The following NUP98 variants were observed in gnomAD, a reference collection of about 807,000 sequenced individuals.
The protein encoded by NUP98 is nucleoporin 98 and 96 precursor.
NUP98 carries 26 observed loss-of-function variants against 191.9 expected under a neutral mutation model. The ratio of observed to expected loss-of-function variants is 0.14; its 90% CI spans 0.10 to 0.19. NUP98 has a LOEUF of 0.19. Ranked by LOEUF, NUP98 falls within the 10% of genes least tolerant of loss-of-function variation. NUP98 has a pLI of 1.00. For missense variants in NUP98, 1,941 were observed against 2,178.8 expected (o/e 0.89, Z 2.17); for synonymous variants, 808 against 778.4 (o/e 1.04, Z -0.63).
chr11:3,694,801 C>T (rs1044831882), intron 26 of NUP98, among the ~76,000 whole-genome samples: 4 of 151,220 alleles, frequency 2.6e-5, no homozygotes, highest in Non-Finnish European at 4.4e-5. Context: ...GTAATCTCAA[C>T]ACTTTGGGAG....
chr11:3,688,698 G>A (rs2078205952), intron 28 of NUP98, among the ~76,000 whole-genome samples: 1 of 150,436 alleles, frequency 6.6e-6, no homozygotes, highest in Non-Finnish European at 1.5e-5. Context: ...AGGAGGCTGA[G>A]GCAGGAGAAT....
At chr11:3,678,136 T>TAAAAAA (rs76077592) in intron 31 of NUP98, among the ~76,000 whole-genome samples, 18 of 103,406 alleles carry the variant, frequency 1.7e-4, no homozygotes, top group African/African-American at 6.0e-4. Flanking sequence ...AAACTCTGCC[T>TAAAAAA]AAAAAAAAAA....
intron 20 of NUP98, among the ~76,000 whole-genome samples, chr11:3,707,738 C>A (rs868188996): frequency 8.0e-4 from 39 of 48,552 alleles, no homozygotes; most frequent in South Asian, 2.6e-3. Context: ...GACTCTGTCT[C>A]AAAAAAAAAA....
chr11:3,686,626 A>C lies in NUP98; in HGVS notation c.4455-432T>G, dbSNP rs569835130. On this transcript the variant is annotated intron_variant, in intron 28 of 32. Transcript: ENST00000324932. ...GACATATTTAAAACTGCACGTATCT[A>C]GAGTACACAATTTTAATGAGCTTTA... 2.0e-5 allele frequency among the ~76,000 whole-genome samples: 3 copies of C among 152,274 alleles called. No homozygotes were observed. In the South Asian group the frequency reaches 6.2e-4, roughly 32 times the overall value.
chr11:3,676,431 A>G (rs1368610507), intron 32 of NUP98, 55 bp from the exon 33 acceptor site: 1 of 1,604,130 alleles, frequency 6.2e-7, no homozygotes, highest in South Asian at 1.1e-5. Flanking sequence ...GAAGGGTGGT[A>G]GGCACTGAGG....
At chr11:3,721,000 G>C in intron 16 of NUP98, 175 bp from the exon 17 acceptor site, 1 of 478,506 alleles carries the variant, frequency 2.1e-6, no homozygotes, top group East Asian at 3.5e-5. Context: ...GTGTGTGTGT[G>C]TGTGTGTGAA....
chr11:3,729,696 T>C (rs113383962), intron 14 of NUP98, among the ~76,000 whole-genome samples: 908 of 81,760 alleles, frequency 0.011, 5 homozygotes, highest in Admixed American at 0.02. Context: ...GCCTGGGCAA[T>C]GGCATAAGAC....
At chr11:3,796,138 C>CTGCTCTCTTTT (rs1252765564) in intron 1 of NUP98, among the ~76,000 whole-genome samples, 1 of 152,196 alleles carries the variant, frequency 6.6e-6, no homozygotes, top group Non-Finnish European at 1.5e-5. Context: ...GGAATGATCA[C>CTGCTCTCTTTT]TGCTCTCTTT....
At chr11:3,731,790 T>C (rs2079863393) in intron 13 of NUP98, among the ~76,000 whole-genome samples, 1 of 152,162 alleles carries the variant, frequency 6.6e-6, no homozygotes, top group Non-Finnish European at 1.5e-5. Context: ...CCAGAAGTAT[T>C]TTGGATTTTT....
At chr11:3,698,301 T>G (rs895423877) in intron 25 of NUP98, among the ~76,000 whole-genome samples, 1 of 152,258 alleles carries the variant, frequency 6.6e-6, no homozygotes, top group Non-Finnish European at 1.5e-5. Flanking sequence ...ATGTTTGCAG[T>G]GAGTAGTAGT....
In NUP98 at chr11:3,735,748, A is replaced by AGTGTGTGT. The variant is rs71041385; in HGVS notation, c.1409-432_1409-425dup. 2.2e-3 allele frequency among the ~76,000 whole-genome samples: 316 copies of AGTGTGTGT among 140,950 alleles called. 2 individuals are homozygous for AGTGTGTGT. The highest frequency in any genetic ancestry group is 5.6e-3 in the East Asian group (26 of 4,642). 92.5% of individuals were successfully genotyped at this position (140,950 alleles called of 152,430 possible). On this transcript the variant is annotated intron_variant, in intron 12 of 32. Transcript: ENST00000324932. ...TAATACGACAGTATACAGGGCAAGT[A>AGTGTGTGT]GTGTGTGTGTGTGTGTGTGTGTGTG...
intron 11 of NUP98, among the ~76,000 whole-genome samples, chr11:3,746,294 A>AAAAAACAG (rs144936005): frequency 1.1e-5 from 1 of 93,086 alleles, no homozygotes; most frequent in Non-Finnish European, 2.0e-5. Flanking sequence ...AAAAAAAAAA[A>AAAAAACAG]GACAGCTTTG....
chr11:3,722,206 G>A (rs887839769), intron 16 of NUP98, among the ~76,000 whole-genome samples: 2 of 149,560 alleles, frequency 1.3e-5, no homozygotes, highest in African/African-American at 4.9e-5. Flanking sequence ...CTTGAATCCT[G>A]GGTTCAAGTG....
chr11:3,785,800 C>A (rs2082123167), intron 1 of NUP98, among the ~76,000 whole-genome samples: 1 of 151,986 alleles, frequency 6.6e-6, no homozygotes, highest in Non-Finnish European at 1.5e-5. Flanking sequence ...CAGATATTTG[C>A]ATTAACTATT....
chr11:3,724,458 A>T (rs2079535323), intron 15 of NUP98, among the ~76,000 whole-genome samples: 2 of 151,018 alleles, frequency 1.3e-5, no homozygotes, highest in African/African-American at 4.9e-5. Flanking sequence ...ATAAATAAAT[A>T]AATTTCTGAT....
chr11:3,772,452 A>G (rs185240996), intron 6 of NUP98, among the ~76,000 whole-genome samples: 80 of 152,288 alleles, frequency 5.3e-4, no homozygotes, highest in African/African-American at 1.8e-3. Flanking sequence ...TACATAAGCA[A>G]TAAGAATGAA....
At chr11:3,770,554 T>C (rs2081495054) in intron 7 of NUP98, among the ~76,000 whole-genome samples, 1 of 151,272 alleles carries the variant, frequency 6.6e-6, no homozygotes, top group Non-Finnish European at 1.5e-5. Context: ...TATTTGTGTG[T>C]GTGTGTGTGT....
intron 27 of NUP98, among the ~76,000 whole-genome samples, chr11:3,692,600 A>AC (rs1401801772): frequency 2.0e-5 from 3 of 152,112 alleles, no homozygotes; most frequent in Admixed American, 6.5e-5. Context: ...ATCTCAAAAA[A>AC]AAAAAAAGTA....
chr11:3,678,136 T>TAA (rs76077592), intron 31 of NUP98, among the ~76,000 whole-genome samples: 8 of 103,398 alleles, frequency 7.7e-5, no homozygotes, highest in South Asian at 3.1e-4. Flanking sequence ...AAACTCTGCC[T>TAA]AAAAAAAAAA....
Sources: allele counts gnomAD v4.1 joint callset (sites outside exome capture counted in the v4.1 genomes callset), GRCh38; gene constraint gnomAD v4.1.1; transcripts MANE v1.5; gene names NCBI Gene and HGNC (gene_info 2026-07-23, HGNC 2026-07-21).